The following MAST4 variants were observed in gnomAD, a reference collection of about 807,000 sequenced individuals.
The protein encoded by MAST4 is microtubule-associated serine/threonine-protein kinase 4.
Under a neutral mutation model 162.7 loss-of-function variants are expected in MAST4, and 89 were observed. That is an observed-to-expected ratio of 0.55 (90% CI 0.46 to 0.65). The LOEUF is 0.65. MAST4 is among the 30% of genes least tolerant of loss of function. The probability of loss-of-function intolerance (pLI) is 0.00; values close to 1 mark genes in which losing one functional copy is unlikely to be tolerated. For missense variants in MAST4, 3,153 were observed against 3,374.0 expected (o/e 0.93, Z 1.62); for synonymous variants, 1,479 against 1,361.1 (o/e 1.09, Z -1.91).
At chr5:66,982,295 T>C (rs552800084) in intron 4 of MAST4, among the ~76,000 whole-genome samples, 122 of 152,300 alleles carry the variant, frequency 8.0e-4, no homozygotes, top group Middle Eastern at 3.4e-3. Flanking sequence ...ACTTCTCCAT[T>C]TTTCCTTACT....
intron 4 of MAST4, among the ~76,000 whole-genome samples, chr5:66,930,510 T>C (rs573137890): frequency 6.6e-6 from 1 of 152,242 alleles, no homozygotes; most frequent in South Asian, 2.1e-4. Flanking sequence ...GGTCCAGTGG[T>C]GTGTGTATAT....
chr5:66,761,031 G>A lies in MAST4; in HGVS notation c.517+1169G>A, dbSNP rs186053773. On this transcript the variant is annotated intron_variant, in intron 2 of 28. Transcript: ENST00000403625. ...ATTGTGCCATTTTACATTCCTGACA[G>A]GTATGGATGAACGATCCAATTGCTG... Among the ~76,000 whole-genome samples the A allele has an allele frequency of 9.9e-5, 15 of 152,262 alleles. 1 individual carries two copies. The highest frequency in any genetic ancestry group is 3.6e-4 in the African/African-American group (15 of 41,556).
At chr5:66,761,223 A>T (rs1356565435) in intron 2 of MAST4, among the ~76,000 whole-genome samples, 1 of 152,242 alleles carries the variant, frequency 6.6e-6, no homozygotes, top group Non-Finnish European at 1.5e-5. Context: ...CTCGTGAAGT[A>T]TTGGTTCAAT....
chr5:66,980,094 T>G (rs1409692928), intron 4 of MAST4, among the ~76,000 whole-genome samples: 2 of 152,222 alleles, frequency 1.3e-5, no homozygotes, highest in African/African-American at 4.8e-5. Flanking sequence ...TTTTTGGATA[T>G]AAAGAAATGT....
chr5:67,031,242 T>A (rs543844601), intron 4 of MAST4, among the ~76,000 whole-genome samples: 2 of 152,288 alleles, frequency 1.3e-5, no homozygotes, highest in South Asian at 2.1e-4. Context: ...ATCTGTCAGC[T>A]CCCTGGCTAG....
At chr5:67,126,494 T>C (rs116045022) in intron 14 of MAST4, among the ~76,000 whole-genome samples, 5,811 of 152,254 alleles carry the variant, frequency 0.038, 254 homozygotes, top group African/African-American at 0.11. Context: ...CCATTTTAAA[T>C]AGGGAATCCT....
chr5:66,841,159 A>G (rs1272350075), intron 3 of MAST4, among the ~76,000 whole-genome samples: 1 of 152,168 alleles, frequency 6.6e-6, no homozygotes, highest in Non-Finnish European at 1.5e-5. Flanking sequence ...AGTGTGAAGC[A>G]GAAAGTAAAA....
intron 3 of MAST4, among the ~76,000 whole-genome samples, chr5:66,885,922 C>T (rs1762008446): frequency 6.6e-6 from 1 of 152,128 alleles, no homozygotes; most frequent in Non-Finnish European, 1.5e-5. Context: ...TTAGAGTGCT[C>T]AGTGTGTGCC....
chr5:66,826,370 C>A (rs577502487), intron 3 of MAST4, among the ~76,000 whole-genome samples: 3 of 152,160 alleles, frequency 2.0e-5, no homozygotes, highest in African/African-American at 7.2e-5. Flanking sequence ...TAGCCAGATT[C>A]CTATTTATCA....
chr5:66,712,029 T>A (rs1750530857), intron 1 of MAST4, among the ~76,000 whole-genome samples: 1 of 152,198 alleles, frequency 6.6e-6, no homozygotes, highest in South Asian at 2.1e-4. Context: ...ATACCTGTTG[T>A]GTGAAGATAC....
chr5:66,651,926 C>A (rs1381612582), intron 1 of MAST4, among the ~76,000 whole-genome samples: 1 of 152,158 alleles, frequency 6.6e-6, no homozygotes, highest in Non-Finnish European at 1.5e-5. Flanking sequence ...GTGAGCAAAA[C>A]AAGTCACAGT....
chr5:66,602,089 A>G (rs1742592252), intron 1 of MAST4, among the ~76,000 whole-genome samples: 1 of 152,252 alleles, frequency 6.6e-6, no homozygotes, highest in African/African-American at 2.4e-5. Flanking sequence ...GATCTGTTGA[A>G]GAGAACATCT....
intron 26 of MAST4, among the ~76,000 whole-genome samples, chr5:67,156,089 G>T (rs1421025637): frequency 6.6e-6 from 1 of 151,408 alleles, no homozygotes; most frequent in Non-Finnish European, 1.5e-5. Flanking sequence ...GACACGTAAG[G>T]ATAATAGTTA....
chr5:66,830,722 G>T (rs1389715543), intron 3 of MAST4, among the ~76,000 whole-genome samples: 1 of 152,124 alleles, frequency 6.6e-6, no homozygotes, highest in East Asian at 1.9e-4. Context: ...TAGAGTAGCT[G>T]TTTTTAGAAA....
At chr5:66,826,614 A>G (rs763768350) in intron 3 of MAST4, among the ~76,000 whole-genome samples, 1 of 149,574 alleles carries the variant, frequency 6.7e-6, no homozygotes, top group East Asian at 2.0e-4. Flanking sequence ...ACCCCCCCCA[A>G]TCCCCCGTCT....
intron 14 of MAST4, among the ~76,000 whole-genome samples, chr5:67,125,199 C>T (rs1768067925): frequency 6.6e-6 from 1 of 151,666 alleles, no homozygotes. Context: ...TAAATTCTAA[C>T]TTTCATTTTA....
At chr5:66,734,912 TTCTTCCACGGGACACC>T (rs1253647359) in intron 1 of MAST4, among the ~76,000 whole-genome samples, 1 of 152,244 alleles carries the variant, frequency 6.6e-6, no homozygotes, top group African/African-American at 2.4e-5. Context: ...TATTCCTTAA[TTCTTCCACGGGACACC>T]TGTTAGCATT....
At chr5:67,018,105 T>A (rs1413756241) in intron 4 of MAST4, among the ~76,000 whole-genome samples, 5 of 152,200 alleles carry the variant, frequency 3.3e-5, no homozygotes, top group Non-Finnish European at 7.3e-5. Flanking sequence ...TCTTTAAAAA[T>A]CATTTTTATG....
chr5:66,749,601 A>G (rs753249516), intron 1 of MAST4, among the ~76,000 whole-genome samples: 2 of 152,240 alleles, frequency 1.3e-5, no homozygotes, highest in Non-Finnish European at 2.9e-5. Context: ...GACTTACTAC[A>G]GGACAATGAT....
Sources: gnomAD v4.1 joint callset for allele counts (sites outside exome capture counted in the v4.1 genomes callset) on GRCh38, gnomAD v4.1.1 for gene constraint, MANE v1.5 for transcripts, NCBI Gene and HGNC (gene_info 2026-07-23, HGNC 2026-07-21) for gene names.